Variants in PCNX2 observed in about 807,000 individuals in gnomAD.
PCNX2 encodes the protein pecanex-like protein 2.
PCNX2 carries 168 observed loss-of-function variants against 223.8 expected under a neutral mutation model. The observed-to-expected ratio is 0.75, with a 90% CI of 0.66 to 0.85. The LOEUF is 0.85. Among genes scored for constraint, PCNX2 ranks in the 40% least tolerant of loss-of-function variants. The pLI, the probability that PCNX2 is intolerant of heterozygous loss-of-function variation, is 0.00. For missense variants in PCNX2, 2,507 were observed against 2,675.5 expected (o/e 0.94, Z 1.39); for synonymous variants, 1,006 against 1,052.6 (o/e 0.96, Z 0.86).
intron 10 of PCNX2, among the ~76,000 whole-genome samples, chr1:233,225,305 T>A (rs1262332671): frequency 6.6e-6 from 1 of 152,106 alleles, no homozygotes; most frequent in Non-Finnish European, 1.5e-5. Context: ...TTTAAAGAAC[T>A]CTTTCAATGA....
At chr1:233,241,932 T>C (rs901534296) in intron 8 of PCNX2, among the ~76,000 whole-genome samples, 3 of 152,204 alleles carry the variant, frequency 2.0e-5, no homozygotes, top group Non-Finnish European at 4.4e-5. Flanking sequence ...TGATTATTTA[T>C]TGCCGTTTTC....
chr1:233,272,569 A>T (rs182462316), intron 1 of PCNX2, among the ~76,000 whole-genome samples: 313 of 152,340 alleles, frequency 2.1e-3, no homozygotes, highest in African/African-American at 7.3e-3. Flanking sequence ...TACAGCCATT[A>T]TGGAAAACAG....
At chr1:233,255,377 C>T (rs1659679716) in intron 5 of PCNX2, among the ~76,000 whole-genome samples, 1 of 152,150 alleles carries the variant, frequency 6.6e-6, no homozygotes, top group African/African-American at 2.4e-5. Context: ...GAAGCCTTTC[C>T]TTTTTTTCCA....
At chr1:233,129,665 G>C (rs1016538164) in intron 21 of PCNX2, among the ~76,000 whole-genome samples, 14 of 152,132 alleles carry the variant, frequency 9.2e-5, no homozygotes, top group Non-Finnish European at 1.9e-4. Context: ...GTCTAGCTCG[G>C]AGTTTGTGGA....
chr1:233,257,994 T>C (rs1214633326), intron 5 of PCNX2, 34 bp downstream of exon 5: 1 of 1,592,548 alleles, frequency 6.3e-7, no homozygotes, highest in Non-Finnish European at 8.6e-7. Context: ...GCCTTCTATG[T>C]CATCATCAGA....
intron 21 of PCNX2, among the ~76,000 whole-genome samples, chr1:233,129,145 G>C (rs1241570433): frequency 3.3e-5 from 5 of 152,258 alleles, no homozygotes; most frequent in Admixed American, 3.3e-4. Flanking sequence ...GCGGGAACCT[G>C]GGCTGTGCGT....
At chr1:233,153,846 T>C (rs921566412) in intron 19 of PCNX2, among the ~76,000 whole-genome samples, 3 of 152,230 alleles carry the variant, frequency 2.0e-5, no homozygotes, top group Non-Finnish European at 2.9e-5. Flanking sequence ...TTTAATACTA[T>C]GTATTATTTT....
At chr1:233,180,427 A>C (rs1420564573) in intron 15 of PCNX2, among the ~76,000 whole-genome samples, 1 of 152,192 alleles carries the variant, frequency 6.6e-6, no homozygotes, top group African/African-American at 2.4e-5. Context: ...GAAAACATCT[A>C]CATATTTAAT....
intron 23 of PCNX2, among the ~76,000 whole-genome samples, chr1:233,089,048 C>A (rs1012161534): frequency 6.6e-6 from 1 of 152,128 alleles, no homozygotes; most frequent in African/African-American, 2.4e-5. Context: ...CTAAGCCACA[C>A]CACCTGTGCC....
chr1:233,131,148 G>C (rs56022432), intron 21 of PCNX2, among the ~76,000 whole-genome samples: 1,575 of 152,328 alleles, frequency 0.01, 21 homozygotes, highest in Non-Finnish European at 0.016. Flanking sequence ...GGGGCTGCCA[G>C]GCTAACAATA....
chr1:232,999,956 T>C (rs1182893284), intron 30 of PCNX2, among the ~76,000 whole-genome samples: 1 of 152,224 alleles, frequency 6.6e-6, no homozygotes, highest in Non-Finnish European at 1.5e-5. Flanking sequence ...GATCCAGGAA[T>C]GGTTTATGAG....
intron 28 of PCNX2, among the ~76,000 whole-genome samples, chr1:233,013,382 AT>A (rs1375987024): frequency 6.6e-6 from 1 of 152,106 alleles, no homozygotes; most frequent in African/African-American, 2.4e-5. Context: ...CCCTTTATCA[AT>A]TCACAACTCT....
Position 233,179,158 on chromosome 1 carries a change from T to C in PCNX2, c.3084A>G (p.Gln1028=), listed in dbSNP as rs1558314562. 6.2e-7 allele frequency: 1 copy of C among 1,613,872 alleles called. No homozygotes were observed. The part of the protein sequence containing the change: ...FSAVKEPWSM[Q]HIPALFSAFC... ...AGGCCGAAAACAGTGCCGGGATGTG[T>C]TGCATGCTCCACGGTTCCTAAAGAA... Residue 1028 remains glutamine, a synonymous_variant, in exon 16 of 34, where the codon CAA becomes CAG. Coordinates refer to ENST00000258229, the MANE Select transcript of PCNX2 (RefSeq NM_014801.4).
chr1:233,101,744 C>T (rs959552330), intron 21 of PCNX2, among the ~76,000 whole-genome samples: 2 of 152,192 alleles, frequency 1.3e-5, no homozygotes, highest in African/African-American at 4.8e-5. Context: ...GACACCATGC[C>T]AACCCAAAGG....
At position 233,001,510 on chromosome 1, in the gene PCNX2, AAAT is replaced by A. The variant is rs1464764387; in HGVS notation, c.5097+24_5097+26del. ...TAAATAAATAAATAAATAAATAAAT[AAAT>A]AAATAAATAAAATAGGTTTTTACCT... On this transcript the variant is annotated intron_variant, in intron 29 of 33. Coordinates refer to ENST00000258229, the MANE Select transcript of PCNX2 (RefSeq NM_014801.4). This position sits in a 1 kb window ranked among gnomAD's most constrained non-coding sequence, Gnocchi z 4.2. The A allele has an allele frequency of 4.9e-6, 6 of 1,215,776 alleles. No homozygotes were observed. The African/African-American group carries it at 8.0e-5, about 16-fold the overall frequency. 75.3% of individuals were successfully genotyped at this position (1,215,776 alleles called of 1,614,324 possible). A position where few individuals can be genotyped will look rare whatever the true frequency, so the allele number is the denominator to read the frequency against.
At chr1:233,263,793 A>G (rs1199403046) in intron 1 of PCNX2, among the ~76,000 whole-genome samples, 2 of 152,128 alleles carry the variant, frequency 1.3e-5, no homozygotes, top group East Asian at 1.9e-4. Context: ...GCCTAATCCA[A>G]TGCATCTTCC....
the PCNX2 span, among the ~76,000 whole-genome samples, chr1:233,314,280 T>A: frequency 6.6e-6 from 1 of 152,172 alleles, no homozygotes; most frequent in Admixed American, 6.5e-5. Context: ...ATTGTGTACA[T>A]CTATTTCTGG....
intron 15 of PCNX2, among the ~76,000 whole-genome samples, chr1:233,196,544 T>C (rs1248335878): frequency 6.6e-6 from 1 of 152,130 alleles, no homozygotes; most frequent in Non-Finnish European, 1.5e-5. Flanking sequence ...AATTTTTAAA[T>C]GGACAAAAGA....
intron 21 of PCNX2, among the ~76,000 whole-genome samples, chr1:233,128,104 G>T (rs1355846763): frequency 6.6e-6 from 1 of 152,108 alleles, no homozygotes; most frequent in South Asian, 2.1e-4. Context: ...GTTCTGGTGC[G>T]ATCATTCATA....
Sources: gnomAD v4.1 joint callset for allele counts (sites outside exome capture counted in the v4.1 genomes callset) on GRCh38, gnomAD v4.1.1 for gene constraint, Gnocchi (gnomAD v3.1) non-coding constraint, MANE v1.5 for transcripts, NCBI Gene and HGNC (gene_info 2026-07-23, HGNC 2026-07-21) for gene names.